Variants in ERLIN1 observed in about 807,000 individuals in gnomAD.
ERLIN1 encodes the protein ER lipid raft associated 1, also known as erlin-1.
Under a neutral mutation model 46.9 loss-of-function variants are expected in ERLIN1, and 24 were observed. The observed-to-expected ratio is 0.51, with a 90% CI of 0.37 to 0.72. ERLIN1 has a LOEUF of 0.72. ERLIN1 is among the 30% of genes least tolerant of loss of function. The pLI is 0.00. For synonymous variants in ERLIN1, 158 were observed against 143.2 expected (o/e 1.10, Z -0.74); for missense variants, 293 against 417.9 (o/e 0.70, Z 2.61).
chr10:100,155,402 A>C (rs1843019214), intron 9 of ERLIN1, among the ~76,000 whole-genome samples: 1 of 152,232 alleles, frequency 6.6e-6, no homozygotes, highest in South Asian at 2.1e-4. Context: ...TCACTATGTG[A>C]AATCAAGTAG....
At chr10:100,169,002 C>T (rs1843824527) in intron 6 of ERLIN1, among the ~76,000 whole-genome samples, 2 of 152,242 alleles carry the variant, frequency 1.3e-5, no homozygotes, top group Admixed American at 1.3e-4. Context: ...CTTTTGAAGA[C>T]TCCTATTTTG....
Position 100,185,498 on chromosome 10 carries a change from T to C in ERLIN1, c.113+16A>G. 6.3e-7 allele frequency: 1 copy of C among 1,584,186 alleles called. No homozygotes were observed. Among genetic ancestry groups the C allele is most frequent in the Non-Finnish European group, 8.7e-7 (1 of 1,152,690 alleles). ...AATCTGCTCTAGAGCCCTAACTGAC[T>C]GCACATGCCGCTCACCTGTAGTACA... On this transcript the variant is annotated intron_variant, in intron 1 of 10. Coordinates refer to ENST00000421367, the MANE Select transcript of ERLIN1 (RefSeq NM_006459.4).
At chr10:100,156,330 A>T in intron 8 of ERLIN1, 96 bp from the exon 9 acceptor site, 1 of 737,788 alleles carries the variant, frequency 1.4e-6, no homozygotes, top group South Asian at 1.6e-5. Context: ...ATTTAATTAC[A>T]GAAAGTTTTA....
rs536536930 is a variant in ERLIN1 at position 100,150,373 on chromosome 10, C to G, written c.*1758G>C. 6.5e-6 allele frequency: 1 copy of G among 152,752 alleles called. No homozygotes were observed. The highest frequency in any genetic ancestry group is 1.9e-4 in the East Asian group (1 of 5,188). 9.5% of individuals were successfully genotyped at this position (152,752 alleles called of 1,614,324 possible). On this transcript the variant is annotated 3_prime_UTR_variant, in exon 11 of 11. Coordinates refer to ENST00000421367, the MANE Select transcript of ERLIN1 (RefSeq NM_006459.4). ...TTTTGCTCATGTAACTATAAAACAT[C>G]TCTAGGAATGAAAGCACAGAGGTCA...
At position 100,164,697 on chromosome 10, in the gene ERLIN1, C is replaced by T. The variant is rs537578391; in HGVS notation, c.564-602G>A. ...CATTTCTGATCTGAAAATTTGAAATCCAAAATGCTCCAAAATCTGAAACTT... is the reference window on the plus strand; with the variant it reads ...CATTTCTGATCTGAAAATTTGAAATTCAAAATGCTCCAAAATCTGAAACTT... On this transcript the variant is annotated intron_variant, in intron 7 of 10. Coordinates refer to ENST00000421367, the MANE Select transcript of ERLIN1 (RefSeq NM_006459.4). Among the ~76,000 whole-genome samples, 10 of 152,268 alleles carry T rather than the reference C, an allele frequency of 6.6e-5. No homozygotes were observed. In the East Asian group the frequency reaches 1.7e-3, roughly 26 times the overall value.
At chr10:100,156,965 T>C (rs1173197718) in intron 8 of ERLIN1, among the ~76,000 whole-genome samples, 1 of 152,038 alleles carries the variant, frequency 6.6e-6, no homozygotes, top group East Asian at 1.9e-4. Context: ...CAGTGAGCCA[T>C]GATCATGCCA....
intron 2 of ERLIN1, among the ~76,000 whole-genome samples, chr10:100,180,593 GACA>G (rs1360444994): frequency 1.3e-5 from 2 of 152,186 alleles, no homozygotes; most frequent in Admixed American, 1.3e-4. Flanking sequence ...CACAGTTGAA[GACA>G]ACATGTGTAT....
chr10:100,171,759 G>A (rs968612484), intron 6 of ERLIN1, among the ~76,000 whole-genome samples: 1 of 152,060 alleles, frequency 6.6e-6, no homozygotes, highest in Non-Finnish European at 1.5e-5. Context: ...CTACAAAAAT[G>A]AGCAAAACCA....
At position 100,151,835 on chromosome 10, in the gene ERLIN1, T is replaced by C. The variant is rs1842814852; in HGVS notation, c.*296A>G. ...AGGAAAACACAGCTTGTTATATATT[T>C]AGTGTTTAACATTCCAGTGCAGGCA... is the stretch of plus-strand genomic sequence containing the variant. On this transcript the variant is annotated 3_prime_UTR_variant, in exon 11 of 11. Transcript: ENST00000421367. The C allele has an allele frequency of 1.9e-5, 8 of 426,098 alleles. No homozygotes were observed. The highest frequency in any genetic ancestry group is 1.3e-4 in the South Asian group (6 of 46,802). 26.4% of individuals were successfully genotyped at this position (426,098 alleles called of 1,614,324 possible).
In ERLIN1 at chr10:100,151,777, C is replaced by A. The variant is rs371776196; in HGVS notation, c.*354G>T. 3.0e-6 allele frequency: 1 copy of A among 331,356 alleles called. No homozygotes were observed. The highest frequency in any genetic ancestry group is 5.9e-6 in the Non-Finnish European group (1 of 169,656). 20.5% of individuals were successfully genotyped at this position (331,356 alleles called of 1,614,324 possible). On this transcript the variant is annotated 3_prime_UTR_variant, in exon 11 of 11. Transcript: ENST00000421367. The stretch of plus-strand genomic sequence containing the variant: ...GCTGAGCATACATTTCCCCGGGGGA[C>A]GAATGTAAACATTATTCAACAGATC...
intron 6 of ERLIN1, among the ~76,000 whole-genome samples, chr10:100,168,360 A>G (rs558634504): frequency 6.6e-6 from 1 of 152,360 alleles, no homozygotes; most frequent in South Asian, 2.1e-4. Flanking sequence ...TCAAATTTGT[A>G]GGTAATTTTG....
chr10:100,169,131 A>C (rs1449849414), intron 6 of ERLIN1, among the ~76,000 whole-genome samples: 6 of 152,204 alleles, frequency 3.9e-5, no homozygotes, highest in Non-Finnish European at 7.3e-5. Flanking sequence ...AAGTTGCATC[A>C]AAAGAGATTT....
intron 2 of ERLIN1, among the ~76,000 whole-genome samples, chr10:100,179,811 T>C (rs1844533762): frequency 6.6e-6 from 1 of 152,174 alleles, no homozygotes; most frequent in South Asian, 2.1e-4. Flanking sequence ...TTCAGTCTGC[T>C]AATAAGTAGA....
chr10:100,159,551 A>T (rs1278159493), intron 8 of ERLIN1, among the ~76,000 whole-genome samples: 4 of 152,202 alleles, frequency 2.6e-5, no homozygotes, highest in African/African-American at 9.6e-5. Context: ...TAAATATTTA[A>T]GAATCCATAT....
intron 10 of ERLIN1, among the ~76,000 whole-genome samples, chr10:100,153,664 C>A (rs1589507648): frequency 6.6e-6 from 1 of 152,328 alleles, no homozygotes; most frequent in African/African-American, 2.4e-5. Flanking sequence ...AACCACATTT[C>A]TTCCTCAAGC....
intron 2 of ERLIN1, among the ~76,000 whole-genome samples, chr10:100,182,803 G>C (rs570577289): frequency 9.2e-5 from 14 of 152,194 alleles, no homozygotes; most frequent in Non-Finnish European, 1.5e-4. Context: ...AGGAGAAAAG[G>C]AATGGAGAGT....
At chr10:100,160,287 A>T (rs1001567601) in intron 8 of ERLIN1, among the ~76,000 whole-genome samples, 3 of 152,200 alleles carry the variant, frequency 2.0e-5, no homozygotes, top group Non-Finnish European at 4.4e-5. Flanking sequence ...CAGAAACCTC[A>T]CAAGACTAAG....
chr10:100,163,802 G>A (rs1014811587), intron 8 of ERLIN1, among the ~76,000 whole-genome samples: 1 of 152,122 alleles, frequency 6.6e-6, no homozygotes, highest in African/African-American at 2.4e-5. Flanking sequence ...ACAACATGAT[G>A]GACAGCCACA....
intron 6 of ERLIN1, among the ~76,000 whole-genome samples, chr10:100,170,359 A>G (rs1043496991): frequency 9.2e-5 from 14 of 152,238 alleles, no homozygotes; most frequent in Non-Finnish European, 1.9e-4. Context: ...AAAATATAAA[A>G]ATTATTTTAA....
Sources: allele counts gnomAD v4.1 joint callset (sites outside exome capture counted in the v4.1 genomes callset), GRCh38; gene constraint gnomAD v4.1.1; transcripts MANE v1.5; gene names NCBI Gene and HGNC (gene_info 2026-07-23, HGNC 2026-07-21).